The following SYN2 variants were observed in gnomAD, a reference collection of about 807,000 sequenced individuals.
The protein encoded by SYN2 is synapsin-2.
In SYN2, 19 loss-of-function variants were observed where a neutral mutation model predicts 50.9. The ratio of observed to expected loss-of-function variants is 0.37; its 90% CI spans 0.26 to 0.55. SYN2 has a LOEUF of 0.55. Among genes scored for constraint, SYN2 ranks in the 20% least tolerant of loss-of-function variants. The probability of loss-of-function intolerance (pLI) is 0.81; values close to 1 mark genes in which losing one functional copy is unlikely to be tolerated. For missense variants in SYN2, 587 were observed against 576.4 expected (o/e 1.02, Z -0.19); for synonymous variants, 255 against 224.9 (o/e 1.13, Z -1.20).
intron 1 of SYN2, chr3:12,070,214 C>T (rs897676922): frequency 3.5e-5 from 14 of 397,930 alleles, no homozygotes; most frequent in East Asian, 6.5e-5. Flanking sequence ...CCTGCTCCTC[C>T]GCCTGTCACA....
At chr3:12,070,451 G>A (rs1695324930) in intron 1 of SYN2, 2 of 569,964 alleles carry the variant, frequency 3.5e-6, no homozygotes, top group Non-Finnish European at 6.9e-6. Flanking sequence ...ACCCCATTGA[G>A]CGTGGCATCG....
At chr3:12,183,824 A>G in intron 11 of SYN2, 2 of 1,034,400 alleles carry the variant, frequency 1.9e-6, no homozygotes, top group Non-Finnish European at 2.3e-6. Flanking sequence ...CGAAAACCAC[A>G]AAAAGAAAAC....
intron 1 of SYN2, among the ~76,000 whole-genome samples, chr3:12,019,370 G>T (rs1354165440): frequency 6.6e-6 from 1 of 152,128 alleles, no homozygotes; most frequent in Non-Finnish European, 1.5e-5. Context: ...ATGGTTACTG[G>T]CAACCCTTTT....
chr3:12,016,909 T>C (rs1370911849), intron 1 of SYN2, among the ~76,000 whole-genome samples: 1 of 152,130 alleles, frequency 6.6e-6, no homozygotes, highest in Non-Finnish European at 1.5e-5. Flanking sequence ...GAGGCCCTTA[T>C]GAAATCAAGT....
chr3:12,151,225 T>A lies in SYN2; in HGVS notation c.685-12T>A. Reference sequence around the variant, plus strand: ...TCTAAGATAAGCTGTAACATTTGCTTTTCTTTTGCAGTTTGCCCAGCTGGT... The same window carrying A: ...TCTAAGATAAGCTGTAACATTTGCTATTCTTTTGCAGTTTGCCCAGCTGGT... On this transcript the variant is annotated splice_polypyrimidine_tract_variant and intron_variant, in intron 4 of 12. Coordinates refer to ENST00000621198, the MANE Select transcript of SYN2 (RefSeq NM_133625.6). 1.2e-6 allele frequency: 2 copies of A among 1,604,602 alleles called. No individual in the cohort carries two copies. Among genetic ancestry groups the A allele is most frequent in the South Asian group, 2.2e-5 (2 of 89,052 alleles).
intron 1 of SYN2, among the ~76,000 whole-genome samples, chr3:12,084,942 A>G (rs1199387765): frequency 6.6e-6 from 1 of 152,140 alleles, no homozygotes. Flanking sequence ...AAATCATTAA[A>G]TCACAACGGA....
intron 5 of SYN2, among the ~76,000 whole-genome samples, chr3:12,155,723 T>C (rs566379952): frequency 1.3e-5 from 2 of 152,198 alleles, no homozygotes; most frequent in Non-Finnish European, 2.9e-5. Context: ...CTCCCCACCC[T>C]CAGTTAGACT....
In SYN2 at chr3:12,106,051, G is replaced by C. The variant is rs115171606; in HGVS notation, c.378-34600G>C. Among the ~76,000 whole-genome samples the C allele has an allele frequency of 3.5e-3, 535 of 152,248 alleles. 3 individuals are homozygous for C. The highest frequency in any genetic ancestry group is 5.7e-3 in the Non-Finnish European group (391 of 68,016). ...CAGCTGGGCTGAGTTCTTATCTGGA[G>C]ACACTGGGGAAAAAAATCTGTTTCC... On this transcript the variant is annotated intron_variant, in intron 1 of 12. Coordinates refer to ENST00000621198, the MANE Select transcript of SYN2 (RefSeq NM_133625.6).
At chr3:12,036,355 T>C (rs1694497949) in intron 1 of SYN2, among the ~76,000 whole-genome samples, 1 of 152,156 alleles carries the variant, frequency 6.6e-6, no homozygotes, top group South Asian at 2.1e-4. Context: ...TCCTTTGAAA[T>C]CTAGGAGGAG....
intron 1 of SYN2, among the ~76,000 whole-genome samples, chr3:12,087,678 A>G (rs982674815): frequency 2.0e-5 from 3 of 152,014 alleles, no homozygotes; most frequent in Non-Finnish European, 4.4e-5. Context: ...ACTTGAGCCC[A>G]GGAGGTTGAG....
intron 11 of SYN2, chr3:12,183,969 T>C (rs1008337807): frequency 7.1e-6 from 7 of 986,358 alleles, no homozygotes; most frequent in Non-Finnish European, 8.4e-6. Flanking sequence ...GATAGAACAT[T>C]AAGAGATTTT....
At chr3:12,105,727 G>T (rs1696172182) in intron 1 of SYN2, among the ~76,000 whole-genome samples, 1 of 151,998 alleles carries the variant, frequency 6.6e-6, no homozygotes, top group Non-Finnish European at 1.5e-5. Context: ...AGGAGACACA[G>T]GCAGTTCCCT....
chr3:12,027,951 C>CTT lies in SYN2; in HGVS notation c.377+23036_377+23037dup, dbSNP rs35864647. ...TAGAGGAAAGAGGTTATAAGTAATT[C>CTT]TTTTTTTTTTTTTTACTGTGCTCTA... On this transcript the variant is annotated intron_variant, in intron 1 of 12. Transcript: ENST00000621198. 2.1e-3 allele frequency among the ~76,000 whole-genome samples: 295 copies of CTT among 141,106 alleles called. 1 individual carries two copies. The highest frequency in any genetic ancestry group is 5.9e-3 in the African/African-American group (223 of 37,890). The allele number at this position is 141,106 out of a possible 152,430, so 92.6% of individuals were successfully genotyped here.
intron 10 of SYN2, among the ~76,000 whole-genome samples, chr3:12,179,739 C>T (rs1698180512): frequency 6.6e-6 from 1 of 152,186 alleles, no homozygotes; most frequent in Non-Finnish European, 1.5e-5. Context: ...TGTTTTTCTG[C>T]TAGCATCACC....
chr3:12,173,956 TTCTTA>T (rs1478601524), intron 10 of SYN2, among the ~76,000 whole-genome samples: 1 of 152,128 alleles, frequency 6.6e-6, no homozygotes, highest in African/African-American at 2.4e-5. Context: ...GTCACTTTTG[TTCTTA>T]TCTTACAGAC....
intron 1 of SYN2, among the ~76,000 whole-genome samples, chr3:12,114,180 T>G (rs1696382677): frequency 6.6e-6 from 1 of 152,094 alleles, no homozygotes; most frequent in African/African-American, 2.4e-5. Flanking sequence ...GGTTTTGATT[T>G]GCATTCCCTT....
intron 11 of SYN2, among the ~76,000 whole-genome samples, chr3:12,187,163 C>T (rs2124841394): frequency 6.6e-6 from 1 of 152,262 alleles, no homozygotes. Flanking sequence ...GGCTGAGTTG[C>T]TCCGTTTCTG....
chr3:12,091,665 A>G (rs1695831440), intron 1 of SYN2, among the ~76,000 whole-genome samples: 1 of 152,166 alleles, frequency 6.6e-6, no homozygotes, highest in Non-Finnish European at 1.5e-5. Flanking sequence ...AAGTTGGATT[A>G]TGGGTATTAT....
chr3:12,010,977 A>G (rs1693900831), intron 1 of SYN2, among the ~76,000 whole-genome samples: 1 of 152,212 alleles, frequency 6.6e-6, no homozygotes, highest in Non-Finnish European at 1.5e-5. Context: ...ATCTAAAACA[A>G]AAGATGACAA....
Sources: allele counts gnomAD v4.1 joint callset (sites outside exome capture counted in the v4.1 genomes callset), GRCh38; gene constraint gnomAD v4.1.1; transcripts MANE v1.5; gene names NCBI Gene and HGNC (gene_info 2026-07-23, HGNC 2026-07-21).